Variants in NAT1 observed in about 807,000 individuals in gnomAD.
NAT1 encodes N-acetyltransferase 1, also known as arylamine N-acetyltransferase 1.
For missense variants in NAT1, 400 were observed against 339.2 expected, an observed-to-expected ratio of 1.18 and a Z score of -1.41; for synonymous variants, 144 against 122.6, an observed-to-expected ratio of 1.17 and a Z score of -1.16.
At chr8:18,197,227 G>A (rs1292141847) in intron 2 of NAT1, among the ~76,000 whole-genome samples, 1 of 152,186 alleles carries the variant, frequency 6.6e-6, no homozygotes, top group Non-Finnish European at 1.5e-5. Context: ...AGTTTGAGAT[G>A]AGATTGCGTT....
intron 1 of NAT1, among the ~76,000 whole-genome samples, chr8:18,210,730 G>T (rs1226964873): frequency 1.3e-5 from 2 of 152,198 alleles, no homozygotes; most frequent in Non-Finnish European, 2.9e-5. Context: ...GGATGTCCAG[G>T]AAGATTGAAT....
intron 2 of NAT1, among the ~76,000 whole-genome samples, chr8:18,172,834 C>A (rs190447819): frequency 2.6e-5 from 4 of 152,162 alleles, no homozygotes; most frequent in Admixed American, 2.0e-4. Context: ...CTAGACGGAG[C>A]AAATTATACC....
chr8:18,176,850 AAC>A (rs1802314933), intron 2 of NAT1, among the ~76,000 whole-genome samples: 1 of 152,032 alleles, frequency 6.6e-6, no homozygotes, highest in African/African-American at 2.4e-5. Context: ...TCAATCCATA[AAC>A]ACAGAATATC....
In NAT1 at chr8:18,222,733, A is replaced by T; in HGVS notation, c.686A>T (p.Asp229Val). ...TCATTTTGTTCCTTGCAGACCCCAG[A>T]TGGGGTTCACTGTTTGGTGGGCTTC... The part of the protein sequence containing the change: ...SKSFCSLQTP[D>V]GVHCLVGFTL... The change falls in exon 3 of 3, where the codon GAT (aspartate) becomes GTT (valine). Residue 229 changes from aspartate to valine, a missense_variant. Coordinates refer to ENST00000307719, the MANE Select transcript of NAT1 (RefSeq NM_000662.8). The T allele has an allele frequency of 6.2e-7, 1 of 1,614,014 alleles. No homozygotes were observed. The highest frequency in any genetic ancestry group is 1.7e-5 in the Admixed American group (1 of 59,978).
intron 2 of NAT1, among the ~76,000 whole-genome samples, chr8:18,175,107 C>T (rs545126457): frequency 6.6e-6 from 1 of 151,968 alleles, no homozygotes; most frequent in African/African-American, 2.4e-5. Context: ...AAATAATAGT[C>T]CACATTTATG....
chr8:18,187,970 C>G (rs958359003), intron 2 of NAT1, among the ~76,000 whole-genome samples: 1 of 148,920 alleles, frequency 6.7e-6, no homozygotes, highest in Admixed American at 6.6e-5. Context: ...CACACACACA[C>G]ACACACACAC....
chr8:18,203,133 T>C (rs368695014), intron 2 of NAT1, among the ~76,000 whole-genome samples: 102 of 152,338 alleles, frequency 6.7e-4, no homozygotes, highest in African/African-American at 2.3e-3. Flanking sequence ...GCTCTCACTA[T>C]AAGATCTGCT....
At chr8:18,199,443 T>A (rs1401504116) in intron 2 of NAT1, among the ~76,000 whole-genome samples, 1 of 152,070 alleles carries the variant, frequency 6.6e-6, no homozygotes, top group Admixed American at 6.6e-5. Flanking sequence ...ATCTTTGATA[T>A]CACACGAAAA....
upstream of NAT1, among the ~76,000 whole-genome samples, chr8:18,208,194 T>C (rs1348784909): frequency 1.3e-5 from 2 of 151,798 alleles, no homozygotes; most frequent in Admixed American, 6.6e-5. Context: ...ACTTAGATGA[T>C]AGGTTGATAG....
At chr8:18,184,873 T>C (rs867806012) in intron 2 of NAT1, among the ~76,000 whole-genome samples, 1 of 152,344 alleles carries the variant, frequency 6.6e-6, no homozygotes, top group Middle Eastern at 3.4e-3. Context: ...CTCATTTTTC[T>C]AATGCATGCT....
chr8:18,196,033 C>A (rs540037323), intron 2 of NAT1, among the ~76,000 whole-genome samples: 2 of 151,948 alleles, frequency 1.3e-5, no homozygotes, highest in Admixed American at 1.3e-4. Context: ...ATGGTGGATC[C>A]AAGGATTAAT....
At chr8:18,214,550 CTTTAAT>C (rs1442974253) in intron 1 of NAT1, among the ~76,000 whole-genome samples, 1 of 152,100 alleles carries the variant, frequency 6.6e-6, no homozygotes, top group Non-Finnish European at 1.5e-5. Flanking sequence ...GAGTAGTTGT[CTTTAAT>C]TTTGACTTTT....
At chr8:18,220,203 G>A (rs1342065606) in intron 2 of NAT1, among the ~76,000 whole-genome samples, 2 of 152,194 alleles carry the variant, frequency 1.3e-5, no homozygotes, top group Admixed American at 6.5e-5. Flanking sequence ...GGTGCTGGTG[G>A]AAGTTAGGAT....
chr8:18,172,366 T>C (rs1802128042), intron 2 of NAT1, among the ~76,000 whole-genome samples: 3 of 152,226 alleles, frequency 2.0e-5, no homozygotes, highest in South Asian at 4.1e-4. Flanking sequence ...CTGATCACAC[T>C]GCTTCATCAA....
chr8:18,199,258 G>A (rs1440491313), intron 2 of NAT1, among the ~76,000 whole-genome samples: 2 of 148,174 alleles, frequency 1.3e-5, no homozygotes, highest in Non-Finnish European at 3.0e-5. Flanking sequence ...AGTTTGCAGT[G>A]AGCCGAGACT....
chr8:18,213,938 T>A (rs1589111391), intron 1 of NAT1, among the ~76,000 whole-genome samples: 1 of 151,928 alleles, frequency 6.6e-6, no homozygotes. Flanking sequence ...CTCAGCCTCC[T>A]GAGTAGCTGG....
intron 2 of NAT1, among the ~76,000 whole-genome samples, chr8:18,185,011 T>C (rs1433378657): frequency 1.3e-5 from 2 of 152,230 alleles, no homozygotes; most frequent in African/African-American, 4.8e-5. Context: ...CTGGCAAATC[T>C]AAACATTGGT....
At chr8:18,198,559 T>C (rs763097407) in intron 2 of NAT1, among the ~76,000 whole-genome samples, 2 of 152,248 alleles carry the variant, frequency 1.3e-5, no homozygotes, top group Admixed American at 6.5e-5. Context: ...CGAACTTGTG[T>C]CAGTTAAGTG....
rs747227650 is a variant in NAT1, at chr8:18,222,554, C to T, written c.507C>T (p.Tyr169=). Residue 169 remains tyrosine, a synonymous_variant, in exon 3 of 3, where the codon TAC becomes TAT. Coordinates refer to ENST00000307719, the MANE Select transcript of NAT1 (RefSeq NM_000662.8). ...TAGACCAAATCAGAAGGGAACAGTA[C>T]ATTCCAAATGAAGAATTTCTTCATT... The part of the protein sequence containing the change: ...WYLDQIRREQ[Y]IPNEEFLHSD... The T allele has an allele frequency of 6.2e-7, 1 of 1,614,120 alleles. No homozygotes were observed. The highest frequency in any genetic ancestry group is 8.5e-7 in the Non-Finnish European group (1 of 1,180,004).
Sources: allele counts gnomAD v4.1 joint callset (sites outside exome capture counted in the v4.1 genomes callset), GRCh38; gene constraint gnomAD v4.1.1; transcripts MANE v1.5; gene names NCBI Gene and HGNC (gene_info 2026-07-23, HGNC 2026-07-21).